Variants in PCDHA5 observed in about 807,000 individuals in gnomAD.
The protein encoded by PCDHA5 is protocadherin alpha-5.
PCDHA5 carries 43 observed loss-of-function variants against 61.6 expected under a neutral mutation model. The observed-to-expected ratio is 0.70, with a 90% CI of 0.55 to 0.90. The LOEUF is 0.90. Ranked by LOEUF, PCDHA5 falls within the 40% of genes least tolerant of loss-of-function variation. The probability of loss-of-function intolerance (pLI) is 0.00; values close to 1 mark genes in which losing one functional copy is unlikely to be tolerated. For synonymous variants in PCDHA5, 627 were observed against 543.9 expected, an observed-to-expected ratio of 1.15 and a Z score of -2.13; for missense variants, 1,298 against 1,222.7, an observed-to-expected ratio of 1.06 and a Z score of -0.92.
intron 1 of PCDHA5, chr5:140,853,313 T>G: frequency 1.0e-6 from 1 of 984,212 alleles, no homozygotes; most frequent in South Asian, 4.7e-5. Flanking sequence ...AACACCTTAG[T>G]AATAAATTTA....
chr5:140,993,446 TCTC>T (rs1262965335), intron 3 of PCDHA5, among the ~76,000 whole-genome samples: 4 of 146,376 alleles, frequency 2.7e-5, no homozygotes, highest in Non-Finnish European at 6.0e-5. Flanking sequence ...TCATTCCTGT[TCTC>T]CTTCTTTCTT....
In PCDHA5 at chr5:140,822,496, T is replaced by C. The variant is rs1315716170; in HGVS notation, c.721T>C (p.Phe241Leu). Residue 241 changes from phenylalanine (F) to leucine (L), a missense_variant, in exon 1 of 4, where the codon TTT (phenylalanine) becomes CTT (leucine). Transcript: ENST00000529859. The stretch of plus-strand genomic sequence containing the variant: ...GGATGCTAATGATAACGCCCCAGAA[T>C]TTGATAAATCCATTTATAATGTCAG... ...VLDANDNAPE[F>L]DKSIYNVRLL... The C allele has an allele frequency of 1.8e-5, 29 of 1,613,784 alleles. No homozygotes were observed. Among genetic ancestry groups the C allele is most frequent in the Non-Finnish European group, 2.2e-5 (26 of 1,179,990 alleles).
intron 1 of PCDHA5, chr5:140,869,622 TA>T: frequency 6.2e-7 from 1 of 1,613,790 alleles, no homozygotes; most frequent in Non-Finnish European, 8.5e-7. Context: ...ACAGGCTAAG[TA>T]AAAATGAGTA....
intron 1 of PCDHA5, chr5:140,866,148 ATAAG>A (rs1375745548): frequency 1.4e-4 from 21 of 152,178 alleles, no homozygotes; most frequent in Admixed American, 1.3e-4. Context: ...TGGAAGTGAT[ATAAG>A]TAAGAATCGT....
Position 140,828,833 on chromosome 5 carries a change from G to C in PCDHA5, c.2352+4706G>C, listed in dbSNP as rs149898673. The C allele has an allele frequency of 2.4e-5, 39 of 1,614,188 alleles. No homozygotes were observed. In the African/African-American group the frequency reaches 3.6e-4, roughly 15 times the overall value. On this transcript the variant is annotated intron_variant, in intron 1 of 3. Coordinates refer to ENST00000529859, the MANE Select transcript of PCDHA5 (RefSeq NM_018908.3). ...TCCCACTTTCGAACAGTCTGAATAC[G>C]AAGTAAGAATATTCGAAAATGCAGA...
chr5:140,896,194 T>G (rs2065426928), intron 1 of PCDHA5, among the ~76,000 whole-genome samples: 2 of 152,244 alleles, frequency 1.3e-5, no homozygotes, highest in Middle Eastern at 3.2e-3. Flanking sequence ...AATAGTGCCA[T>G]GATGAACATA....
rs541589842 is a variant in PCDHA5, at chr5:140,964,001, A to G, written c.2353-14948A>G. Reference sequence around the variant, plus strand: ...TCTATATTCCTAATTACTGTGTTCTACTTTTTAATAGAGAGCTCTTGAAGG... The same window carrying G: ...TCTATATTCCTAATTACTGTGTTCTGCTTTTTAATAGAGAGCTCTTGAAGG... On this transcript the variant is annotated intron_variant, in intron 1 of 3. Transcript: ENST00000529859. Among the ~76,000 whole-genome samples the G allele has an allele frequency of 9.2e-5, 14 of 152,286 alleles. No homozygotes were observed. The South Asian group carries it at 2.7e-3, about 29-fold the overall frequency.
intron 1 of PCDHA5, among the ~76,000 whole-genome samples, chr5:140,826,609 C>T (rs2150144394): frequency 6.6e-6 from 1 of 151,782 alleles, no homozygotes; most frequent in Non-Finnish European, 1.5e-5. Flanking sequence ...AAATTAAGGG[C>T]GAAGTTGATA....
chr5:140,853,953 C>A, intron 1 of PCDHA5: 1 of 757,816 alleles, frequency 1.3e-6, no homozygotes, highest in Non-Finnish European at 1.6e-6. Flanking sequence ...AGGGTCCCTT[C>A]CTTGAGCCCA....
intron 1 of PCDHA5, among the ~76,000 whole-genome samples, chr5:140,920,124 G>A (rs1261931835): frequency 2.6e-5 from 4 of 152,152 alleles, no homozygotes; most frequent in African/African-American, 4.8e-5. Flanking sequence ...AACATCTTGA[G>A]TTTTAATTCT....
At chr5:140,842,469 G>A in intron 1 of PCDHA5, 3 of 1,613,864 alleles carry the variant, frequency 1.9e-6, no homozygotes, top group Non-Finnish European at 2.5e-6. Context: ...GGTGCCAACG[G>A]GCAGGTGACC....
intron 1 of PCDHA5, among the ~76,000 whole-genome samples, chr5:140,907,449 A>G (rs1554192997): frequency 6.6e-6 from 1 of 152,232 alleles, no homozygotes; most frequent in Admixed American, 6.5e-5. Flanking sequence ...ACAGATGGTA[A>G]TCTTGGCAGA....
At chr5:140,948,942 T>TA (rs34363674) in intron 1 of PCDHA5, among the ~76,000 whole-genome samples, 48,005 of 151,444 alleles carry the variant, frequency 0.32, 7,947 homozygotes, top group East Asian at 0.53. Flanking sequence ...TCTTCTAATA[T>TA]AAAAAAATTA....
chr5:140,924,901 A>AAAAAAT (rs369245222), intron 1 of PCDHA5, among the ~76,000 whole-genome samples: 13 of 80,502 alleles, frequency 1.6e-4, no homozygotes, highest in East Asian at 1.6e-3. Flanking sequence ...TCTCAAAAAA[A>AAAAAAT]AAAATAAAAT....
At chr5:140,838,792 C>T (rs185646460) in intron 1 of PCDHA5, among the ~76,000 whole-genome samples, 1,842 of 152,048 alleles carry the variant, frequency 0.012, 29 homozygotes, top group Non-Finnish European at 0.019. Flanking sequence ...CATGGTGATG[C>T]ATGTCTGTAG....
chr5:140,884,512 G>T (rs782026771), intron 1 of PCDHA5: 1 of 1,614,202 alleles, frequency 6.2e-7, no homozygotes, highest in South Asian at 1.1e-5. Flanking sequence ...CAGGGAGTTG[G>T]TCGTACTCGC....
intron 1 of PCDHA5, among the ~76,000 whole-genome samples, chr5:140,890,919 G>A (rs181566078): frequency 3.0e-4 from 46 of 152,178 alleles, no homozygotes; most frequent in Admixed American, 9.2e-4. Flanking sequence ...TAATTTGAGA[G>A]TTTCCTTTAG....
rs150382315 is a variant in PCDHA5, at chr5:140,929,255, G to A, written c.2353-49694G>A. 5.2e-5 allele frequency: 84 copies of A among 1,613,256 alleles called. No homozygotes were observed. In the South Asian group the frequency reaches 8.9e-4, roughly 17 times the overall value. On this transcript the variant is annotated intron_variant, in intron 1 of 3. Coordinates refer to ENST00000529859, the MANE Select transcript of PCDHA5 (RefSeq NM_018908.3). ...CTGCGAAATCTTGCCACTGGGGTAG[G>A]ACTGAATTTGCCAATATCCTGTATT...
intron 1 of PCDHA5, chr5:140,968,445 G>C (rs782157846): frequency 1.2e-6 from 2 of 1,613,954 alleles, no homozygotes; most frequent in African/African-American, 2.7e-5. Context: ...CCACCACTGA[G>C]CAGCACTGTG....
Sources: allele counts gnomAD v4.1 joint callset (sites outside exome capture counted in the v4.1 genomes callset), GRCh38; gene constraint gnomAD v4.1.1; transcripts MANE v1.5; gene names NCBI Gene and HGNC (gene_info 2026-07-23, HGNC 2026-07-21).